CSNK1A1: variants seen among roughly 807,000 people sequenced by gnomAD.
The protein encoded by CSNK1A1 is casein kinase I isoform alpha.
In CSNK1A1, 7 loss-of-function variants were observed where a neutral mutation model predicts 46.1. That is an observed-to-expected ratio of 0.15 (90% CI 0.09 to 0.29). The LOEUF is 0.29. Ranked by LOEUF, CSNK1A1 falls within the 10% of genes least tolerant of loss-of-function variation. The probability of loss-of-function intolerance (pLI) is 1.00; values close to 1 mark genes in which losing one functional copy is unlikely to be tolerated. For synonymous variants in CSNK1A1, 137 were observed against 141.5 expected, an observed-to-expected ratio of 0.97 and a Z score of 0.23; for missense variants, 96 against 417.1, an observed-to-expected ratio of 0.23 and a Z score of 6.71.
chr5:149,499,951 T>C (rs1561749461), intron 9 of CSNK1A1, among the ~76,000 whole-genome samples: 3 of 85,066 alleles, frequency 3.5e-5, no homozygotes, highest in Non-Finnish European at 8.1e-5. Flanking sequence ...GGTTGTGGGG[T>C]TTTTTTTCTT....
intron 2 of CSNK1A1, among the ~76,000 whole-genome samples, chr5:149,537,434 C>T (rs1294246549): frequency 6.6e-6 from 1 of 152,012 alleles, no homozygotes; most frequent in Admixed American, 6.6e-5. Flanking sequence ...ACAACCAAGA[C>T]AATACCATTT....
chr5:149,509,747 GCC>G, intron 7 of CSNK1A1, 130 bp downstream of exon 7: 1 of 494,380 alleles, frequency 2.0e-6, no homozygotes, highest in Admixed American at 3.3e-5. Context: ...TCCCTATGTT[GCC>G]CAGGCTGGTC....
intron 2 of CSNK1A1, among the ~76,000 whole-genome samples, chr5:149,531,149 C>T (rs1480663144): frequency 6.6e-6 from 1 of 152,100 alleles, no homozygotes; most frequent in African/African-American, 2.4e-5. Context: ...CCATACATCT[C>T]TTCTCAGAAT....
At chr5:149,528,305 G>A (rs189691346) in intron 2 of CSNK1A1, among the ~76,000 whole-genome samples, 11 of 152,154 alleles carry the variant, frequency 7.2e-5, no homozygotes, top group African/African-American at 9.7e-5. Context: ...TTACCTTGTG[G>A]AGCAACCATG....
chr5:149,502,747 G>A, intron 9 of CSNK1A1: 1 of 971,150 alleles, frequency 1.0e-6, no homozygotes, highest in Non-Finnish European at 1.2e-6. Flanking sequence ...TGGGATCAAT[G>A]AATCATTGAG....
intron 2 of CSNK1A1, among the ~76,000 whole-genome samples, chr5:149,533,493 G>A (rs1761959913): frequency 6.6e-6 from 1 of 152,132 alleles, no homozygotes; most frequent in South Asian, 2.1e-4. Context: ...CTAAGTGACA[G>A]CATAGGTTGG....
chr5:149,545,839 C>T (rs866714487), intron 2 of CSNK1A1: 17 of 383,300 alleles, frequency 4.4e-5, no homozygotes, highest in African/African-American at 3.2e-4. Flanking sequence ...TGCCTAGAAC[C>T]GGAAGCTTCA....
At position 149,525,008 on chromosome 5, in the gene CSNK1A1, T is replaced by G. The variant is rs1761683183; in HGVS notation, c.357+37A>C. 5 of 1,575,734 alleles carry G rather than the reference T, an allele frequency of 3.2e-6. No individual in the cohort carries two copies. The East Asian group carries it at 1.1e-4, about 35-fold the overall frequency. On this transcript the variant is annotated intron_variant, in intron 3 of 9. Transcript: ENST00000377843. The surrounding 1 kb of genome is among the most constrained non-coding windows in gnomAD (Gnocchi z 4.2). ...ATAATGAAATTCCAGTCAACAGTAC[T>G]AGTCTCAGTTTATATTCTAATCAAA...
At position 149,550,526 on chromosome 5, in the gene CSNK1A1, A is replaced by C. The variant is rs1384829340; in HGVS notation, c.123+316T>G. ...AGAATTAAGAATTAAAAAAAAAAAAACATGGGAATCACTGAAAGAGGATTT... is the reference window on the plus strand; with the variant it reads ...AGAATTAAGAATTAAAAAAAAAAAACCATGGGAATCACTGAAAGAGGATTT... On this transcript the variant is annotated intron_variant, in intron 1 of 9. Coordinates refer to ENST00000377843, the MANE Select transcript of CSNK1A1 (RefSeq NM_001892.6). The surrounding 1 kb of genome is among the most constrained non-coding windows in gnomAD (Gnocchi z 4.3). 2.1e-5 allele frequency among the ~76,000 whole-genome samples: 3 copies of C among 144,286 alleles called. No individual in the cohort carries two copies. Among genetic ancestry groups the C allele is most frequent in the Non-Finnish European group, 1.5e-5 (1 of 66,376 alleles). 94.7% of individuals were successfully genotyped at this position (144,286 alleles called of 152,430 possible). A position where few individuals can be genotyped will look rare whatever the true frequency, so the allele number is the denominator to read the frequency against.
At chr5:149,502,774 T>C (rs1013030464) in intron 9 of CSNK1A1, 1 of 941,740 alleles carries the variant, frequency 1.1e-6, no homozygotes, top group Non-Finnish European at 1.3e-6. Context: ...GAGTTCCTTT[T>C]TTTTTTTTTT....
intron 4 of CSNK1A1, among the ~76,000 whole-genome samples, chr5:149,513,899 TA>T (rs34713303): frequency 2.1e-3 from 303 of 142,064 alleles, no homozygotes; most frequent in Middle Eastern, 3.6e-3. Flanking sequence ...AACTCTTTCT[TA>T]AAAAAAAAAA....
At chr5:149,501,325 C>T (rs1760847995) in intron 9 of CSNK1A1, 1 of 985,264 alleles carries the variant, frequency 1.0e-6, no homozygotes, top group African/African-American at 1.7e-5. Context: ...CCTGGTACTT[C>T]TTAGAATTGA....
chr5:149,507,343 G>A (rs1314334992), intron 7 of CSNK1A1, among the ~76,000 whole-genome samples: 2 of 152,048 alleles, frequency 1.3e-5, no homozygotes, highest in African/African-American at 2.4e-5. Flanking sequence ...AATATTAGTA[G>A]AAGAAATACA....
At chr5:149,502,803 C>G (rs1760912834) in intron 9 of CSNK1A1, 1 of 956,606 alleles carries the variant, frequency 1.0e-6, no homozygotes, top group Non-Finnish European at 1.2e-6. Context: ...GAGTCTCACT[C>G]TGTCACCCAG....
intron 3 of CSNK1A1, among the ~76,000 whole-genome samples, chr5:149,521,085 T>G (rs1761552705): frequency 6.6e-6 from 1 of 152,158 alleles, no homozygotes; most frequent in Admixed American, 6.6e-5. Context: ...TGTTTTCCAC[T>G]TTTTCCTACT....
rs1333201274 is a variant in CSNK1A1 at position 149,504,736 on chromosome 5, C to G, written c.1006+711G>C. The G allele has an allele frequency of 1.3e-5, 13 of 985,234 alleles. 1 individual carries two copies. The Admixed American group carries it at 3.1e-4, about 23-fold the overall frequency. 61.0% of individuals were successfully genotyped at this position (985,234 alleles called of 1,614,324 possible). A position where few individuals can be genotyped will look rare whatever the true frequency, so the allele number is the denominator to read the frequency against. On this transcript the variant is annotated intron_variant, in intron 9 of 9. Transcript: ENST00000377843. ...CAATTCCACATTAAACCCTGGGAGC[C>G]TGATATTTGCAACATTGTGAAAAAT...
chr5:149,507,281 C>A (rs1033423929), intron 7 of CSNK1A1, 148 bp from the exon 8 acceptor site: 1 of 603,664 alleles, frequency 1.7e-6, no homozygotes, highest in Non-Finnish European at 2.9e-6. Context: ...ATGGCTTGGT[C>A]TCCTCATAAA....
intron 6 of CSNK1A1, among the ~76,000 whole-genome samples, chr5:149,510,472 TTTTGTTTG>T (rs1011819061): frequency 6.6e-6 from 1 of 151,834 alleles, no homozygotes; most frequent in African/African-American, 2.4e-5. Flanking sequence ...TTCTTTGTTT[TTTTGTTTG>T]TTTGTTTGTT....
chr5:149,505,286 T>TA, intron 9 of CSNK1A1, 161 bp downstream of exon 9: 1 of 1,414,864 alleles, frequency 7.1e-7, no homozygotes, highest in Non-Finnish European at 9.2e-7. Context: ...GGTTTAAAGT[T>TA]AGTAGTCAAA....
Sources: allele counts gnomAD v4.1 joint callset (sites outside exome capture counted in the v4.1 genomes callset), GRCh38; gene constraint gnomAD v4.1.1; non-coding constraint Gnocchi (gnomAD v3.1); transcripts MANE v1.5; gene names NCBI Gene and HGNC (gene_info 2026-07-23, HGNC 2026-07-21).